Variants in OSBPL10 observed in about 807,000 individuals in gnomAD.
The protein encoded by OSBPL10 is oxysterol binding protein like 10.
Under a neutral mutation model 81.7 loss-of-function variants are expected in OSBPL10, and 49 were observed. That is an observed-to-expected ratio of 0.60 (90% CI 0.48 to 0.76). The LOEUF (loss-of-function observed/expected upper bound fraction) is 0.76, where lower values mean the gene tolerates loss of function less well. OSBPL10 is among the 30% of genes least tolerant of loss of function. The pLI is 0.00. For synonymous variants in OSBPL10, 419 were observed against 383.6 expected, an observed-to-expected ratio of 1.09 and a Z score of -1.08; for missense variants, 923 against 987.8, an observed-to-expected ratio of 0.93 and a Z score of 0.88.
intron 5 of OSBPL10, among the ~76,000 whole-genome samples, chr3:31,747,491 A>C (rs1257401053): frequency 4.0e-5 from 6 of 149,506 alleles, no homozygotes; most frequent in African/African-American, 7.4e-5. Flanking sequence ...TTCAAATAAA[A>C]AAAAAAAAAA....
At chr3:31,973,082 A>G (rs980478530) in intron 1 of OSBPL10, among the ~76,000 whole-genome samples, 9 of 152,172 alleles carry the variant, frequency 5.9e-5, no homozygotes, top group Admixed American at 5.2e-4. Flanking sequence ...CCTGGCCCCA[A>G]ATCGCATCAG....
intron 6 of OSBPL10, among the ~76,000 whole-genome samples, chr3:31,727,533 A>G (rs1001163926): frequency 1.1e-4 from 16 of 152,316 alleles, no homozygotes; most frequent in South Asian, 2.1e-4. Context: ...TTGATCAATG[A>G]TATTTCCTAT....
At position 31,766,331 on chromosome 3, in the gene OSBPL10, TTTTTTGTTTTTTTTTG is replaced by T; in HGVS notation, c.730-18227_730-18212del. Among the ~76,000 whole-genome samples the T allele has an allele frequency of 8.1e-5, 2 of 24,820 alleles. 1 individual carries two copies. The allele number at this position is 24,820 out of a possible 152,430, so 16.3% of individuals were successfully genotyped here. On this transcript the variant is annotated intron_variant, in intron 4 of 11. Coordinates refer to ENST00000396556, the MANE Select transcript of OSBPL10 (RefSeq NM_017784.5). ...GTTTGGCCCAATGTAGTTTTTTTGT[TTTTTTGTTTTTTTTTG>T]TTTTTTTTTTGAGACACGGTCTCAC...
Position 31,748,114 on chromosome 3 carries a change from T to C in OSBPL10, c.736A>G (p.Asn246Asp). 6.2e-7 allele frequency: 1 copy of C among 1,611,966 alleles called. No homozygotes were observed. Among genetic ancestry groups the C allele is most frequent in the Non-Finnish European group, 8.5e-7 (1 of 1,179,010 alleles). Residue 246 changes from asparagine (N) to aspartate (D), a missense_variant, in exon 5 of 12, where the codon AAC becomes GAC. By Grantham distance (23) the Asn-to-Asp change is conservative. Transcript: ENST00000396556. ...GQLHEVREMM[N>D]QVEGQQKNLV... ...TTCTTCTGCTGCCCTTCCACCTGGT[T>C]CATCATCTACAAAACAAGAAGACAG... is the stretch of plus-strand genomic sequence containing the variant.
intron 1 of OSBPL10, among the ~76,000 whole-genome samples, chr3:31,926,361 T>C (rs1056120520): frequency 6.9e-6 from 1 of 145,044 alleles, no homozygotes; most frequent in African/African-American, 2.6e-5. Context: ...GCCATTACCA[T>C]CTACTGGGGA....
At chr3:31,971,674 C>G (rs1337934704) in intron 1 of OSBPL10, among the ~76,000 whole-genome samples, 1 of 152,228 alleles carries the variant, frequency 6.6e-6, no homozygotes, top group Non-Finnish European at 1.5e-5. Context: ...GCTGCCTCAA[C>G]TACTTGCATA....
intron 1 of OSBPL10, among the ~76,000 whole-genome samples, chr3:31,905,376 C>T (rs1175919822): frequency 5.6e-5 from 5 of 88,572 alleles, no homozygotes; most frequent in Non-Finnish European, 8.1e-5. Flanking sequence ...TTTAGACGGA[C>T]TCCCGTTCTG....
chr3:31,870,710 G>A lies in OSBPL10; in HGVS notation c.537+5723C>T, dbSNP rs146578808. On this transcript the variant is annotated intron_variant, in intron 3 of 11. Coordinates refer to ENST00000396556, the MANE Select transcript of OSBPL10 (RefSeq NM_017784.5). ...ACCCTGTGTCTACCTCAGGGTTTGTGAGTGCACCAATCCACACTCTGTATT... is the reference window on the plus strand; with the variant it reads ...ACCCTGTGTCTACCTCAGGGTTTGTAAGTGCACCAATCCACACTCTGTATT... Among the ~76,000 whole-genome samples, 82 of 152,312 alleles carry A rather than the reference G, an allele frequency of 5.4e-4. 2 individuals carry two copies. Among genetic ancestry groups the A allele is most frequent in the African/African-American group, 1.9e-3 (78 of 41,552 alleles).
At chr3:31,825,329 AT>A (rs566679123) in intron 4 of OSBPL10, among the ~76,000 whole-genome samples, 6 of 150,568 alleles carry the variant, frequency 4.0e-5, no homozygotes, top group African/African-American at 1.2e-4. Context: ...CAGTCCAAGA[AT>A]TTTTTTTTTA....
upstream of OSBPL10, among the ~76,000 whole-genome samples, chr3:31,983,277 A>G (rs1487485502): frequency 1.3e-5 from 2 of 152,240 alleles, no homozygotes; most frequent in Non-Finnish European, 2.9e-5. Context: ...TGTCAGCATT[A>G]TGTACCAAAA....
At chr3:31,793,673 C>G (rs1437007350) in intron 4 of OSBPL10, among the ~76,000 whole-genome samples, 1 of 152,162 alleles carries the variant, frequency 6.6e-6, no homozygotes, top group Non-Finnish European at 1.5e-5. Flanking sequence ...GGAAGACTCT[C>G]TAAGTTTTCC....
chr3:31,834,712 G>A (rs1214328100), intron 3 of OSBPL10, among the ~76,000 whole-genome samples: 3 of 152,152 alleles, frequency 2.0e-5, no homozygotes, highest in Admixed American at 6.5e-5. Context: ...CAAGGTAATC[G>A]GGTAACAAGC....
At chr3:31,812,796 A>G (rs900180904) in intron 4 of OSBPL10, among the ~76,000 whole-genome samples, 9 of 55,442 alleles carry the variant, frequency 1.6e-4, no homozygotes, top group African/African-American at 6.5e-4. Context: ...GAAAGAAAGA[A>G]AGAAAGAAAG....
chr3:31,666,130 A>T (rs755084132), intron 10 of OSBPL10, among the ~76,000 whole-genome samples: 2 of 152,136 alleles, frequency 1.3e-5, no homozygotes, highest in African/African-American at 2.4e-5. Flanking sequence ...GCTTGCTCTG[A>T]GGAGGGGAGG....
intron 8 of OSBPL10, among the ~76,000 whole-genome samples, chr3:31,677,158 G>A (rs374814677): frequency 5.9e-5 from 9 of 152,118 alleles, no homozygotes; most frequent in South Asian, 2.1e-4. Context: ...AGAATATGCA[G>A]GAAATATGCG....
intron 4 of OSBPL10, among the ~76,000 whole-genome samples, chr3:31,828,238 T>C (rs1409648695): frequency 3.9e-5 from 6 of 152,236 alleles, no homozygotes; most frequent in African/African-American, 1.4e-4. Context: ...AATGTAATGG[T>C]ATTTATCTAA....
At chr3:31,952,885 T>C (rs990176909) in intron 1 of OSBPL10, among the ~76,000 whole-genome samples, 2 of 151,844 alleles carry the variant, frequency 1.3e-5, no homozygotes, top group Non-Finnish European at 2.9e-5. Flanking sequence ...GTTCAACTGG[T>C]CCAGGATGGG....
chr3:31,733,786 G>A (rs1244881165), intron 5 of OSBPL10, among the ~76,000 whole-genome samples: 1 of 150,326 alleles, frequency 6.7e-6, no homozygotes, highest in Non-Finnish European at 1.5e-5. Flanking sequence ...GGCCGAGGCG[G>A]GTAGATCATG....
chr3:32,069,755 A>T (rs1332815321), intron 1 of OSBPL10, among the ~76,000 whole-genome samples: 1 of 152,226 alleles, frequency 6.6e-6, no homozygotes, highest in Non-Finnish European at 1.5e-5. Flanking sequence ...TCTGAGTTAC[A>T]GCTACTTGCT....
Sources: gnomAD v4.1 joint callset for allele counts (sites outside exome capture counted in the v4.1 genomes callset) on GRCh38, gnomAD v4.1.1 for gene constraint, MANE v1.5 for transcripts, NCBI Gene and HGNC (gene_info 2026-07-23, HGNC 2026-07-21) for gene names.